Variants in ACOT7 observed in about 807,000 individuals in gnomAD.
ACOT7 encodes the protein cytosolic acyl coenzyme A thioester hydrolase.
Under a neutral mutation model 40.2 loss-of-function variants are expected in ACOT7, and 12 were observed. The observed-to-expected ratio is 0.30, with a 90% CI of 0.19 to 0.48. ACOT7 has a LOEUF of 0.48. ACOT7 is among the 20% of genes least tolerant of loss of function. The pLI is 0.99. For synonymous variants in ACOT7, 228 were observed against 219.5 expected, an observed-to-expected ratio of 1.04 and a Z score of -0.34; for missense variants, 395 against 530.8, an observed-to-expected ratio of 0.74 and a Z score of 2.51.
intron 7 of ACOT7, among the ~76,000 whole-genome samples, chr1:6,287,984 T>C (rs1298180745): frequency 6.6e-6 from 1 of 152,152 alleles, no homozygotes; most frequent in Non-Finnish European, 1.5e-5. Context: ...TTAGGTTTTC[T>C]CACCAAGTGC....
chr1:6,369,609 C>T (rs529427749), intron 1 of ACOT7, among the ~76,000 whole-genome samples: 4 of 151,246 alleles, frequency 2.6e-5, no homozygotes, highest in South Asian at 2.1e-4. Context: ...GATGGAGTCT[C>T]GCTGTATCGC....
chr1:6,323,213 T>A (rs888796551), intron 5 of ACOT7, among the ~76,000 whole-genome samples: 1 of 152,076 alleles, frequency 6.6e-6, no homozygotes, highest in African/African-American at 2.4e-5. Flanking sequence ...CCACCCTTCA[T>A]CCCACCAGCT....
intron 6 of ACOT7, among the ~76,000 whole-genome samples, chr1:6,313,462 A>C (rs1275375167): frequency 6.6e-6 from 1 of 152,170 alleles, no homozygotes; most frequent in African/African-American, 2.4e-5. Context: ...CTCAGCCACA[A>C]GTCTTTTCAG....
At chr1:6,390,358 G>A (rs894468664) in intron 1 of ACOT7, among the ~76,000 whole-genome samples, 1 of 151,988 alleles carries the variant, frequency 6.6e-6, no homozygotes, top group Non-Finnish European at 1.5e-5. Flanking sequence ...GATCATCTAA[G>A]GTCAGGAGTT....
chr1:6,368,601 C>G (rs1428849886), intron 1 of ACOT7, among the ~76,000 whole-genome samples: 1 of 152,194 alleles, frequency 6.6e-6, no homozygotes, highest in African/African-American at 2.4e-5. Context: ...GCAGTGGGCT[C>G]TGGGAGACTC....
rs189288789 is a variant in ACOT7, at chr1:6,338,719, C to T, written c.418+714G>A. Among the ~76,000 whole-genome samples the T allele has an allele frequency of 4.8e-4, 73 of 152,256 alleles. No individual in the cohort carries two copies. The highest frequency in any genetic ancestry group is 1.7e-3 in the African/African-American group (69 of 41,550). On this transcript the variant is annotated intron_variant, in intron 3 of 8. Coordinates refer to ENST00000361521, the MANE Select transcript of ACOT7 (RefSeq NM_007274.4). This position sits in a 1 kb window ranked among gnomAD's most constrained non-coding sequence, Gnocchi z 4.4. ...ACAGGCATGGGGAAGAGGAGGAAAC[C>T]GGCCCAGCCTCTCTGCATGGGAGGA...
intron 1 of ACOT7, among the ~76,000 whole-genome samples, chr1:6,361,233 G>T (rs761324281): frequency 3.9e-5 from 6 of 152,140 alleles, no homozygotes; most frequent in Admixed American, 3.3e-4. Flanking sequence ...AATCACAAAA[G>T]GTCACACGCC....
intron 1 of ACOT7, among the ~76,000 whole-genome samples, chr1:6,366,653 AACTT>A (rs1428877651): frequency 1.3e-5 from 2 of 151,542 alleles, no homozygotes; most frequent in Non-Finnish European, 2.9e-5. Context: ...CCCACAGTAG[AACTT>A]ACTTTTTTTT....
intron 6 of ACOT7, among the ~76,000 whole-genome samples, chr1:6,310,756 CAG>C (rs551861151): frequency 2.2e-4 from 33 of 152,242 alleles, no homozygotes; most frequent in Admixed American, 2.0e-3. Flanking sequence ...CTTTTTGAGA[CAG>C]AGTCTTGTTC....
intron 5 of ACOT7, among the ~76,000 whole-genome samples, chr1:6,323,063 A>T (rs1182127249): frequency 6.6e-6 from 1 of 151,992 alleles, no homozygotes; most frequent in African/African-American, 2.4e-5. Context: ...CAGGGAGGCG[A>T]AGTTTGCAGT....
At chr1:6,325,346 T>G (rs919944224) in intron 5 of ACOT7, among the ~76,000 whole-genome samples, 1 of 150,576 alleles carries the variant, frequency 6.6e-6, no homozygotes, top group African/African-American at 2.5e-5. Context: ...TGCAGTGAGC[T>G]GAGATCGCGC....
chr1:6,305,626 T>G (rs1380130285), intron 6 of ACOT7, among the ~76,000 whole-genome samples: 1 of 134,640 alleles, frequency 7.4e-6, no homozygotes, highest in African/African-American at 2.8e-5. Context: ...ACATCTCAGA[T>G]GATGGGCGGC....
At chr1:6,287,421 AAAAC>A (rs762566933) in intron 7 of ACOT7, among the ~76,000 whole-genome samples, 1 of 152,250 alleles carries the variant, frequency 6.6e-6, no homozygotes, top group Non-Finnish European at 1.5e-5. Context: ...CCAAATGGGA[AAAAC>A]AAACAGAGAT....
Position 6,288,915 on chromosome 1 carries a change from C to A in ACOT7, c.829+5949G>T, listed in dbSNP as rs528575378. Among the ~76,000 whole-genome samples the A allele has an allele frequency of 5.9e-5, 9 of 152,266 alleles. No homozygotes were observed. Among genetic ancestry groups the A allele is most frequent in the South Asian group, 4.1e-4 (2 of 4,820 alleles). On this transcript the variant is annotated intron_variant, in intron 7 of 8. Coordinates refer to ENST00000361521, the MANE Select transcript of ACOT7 (RefSeq NM_007274.4). This position sits in a 1 kb window ranked among gnomAD's most constrained non-coding sequence, Gnocchi z 4.3. ...CTTCCTGACAGACACCCCACCCAAG[C>A]GAGGGCAAGCCACAGCCACAGGGCC...
chr1:6,385,861 C>G (rs1484349469), intron 1 of ACOT7: 1 of 1,398,820 alleles, frequency 7.1e-7, no homozygotes, highest in Non-Finnish European at 9.3e-7. Flanking sequence ...GCTTCCGGAA[C>G]TGGATCACAG....
At chr1:6,388,386 G>C (rs1004162449) in intron 1 of ACOT7, among the ~76,000 whole-genome samples, 2 of 151,768 alleles carry the variant, frequency 1.3e-5, no homozygotes, top group African/African-American at 4.8e-5. Flanking sequence ...TGGGATTACA[G>C]GCGTGAGCCA....
In ACOT7 at chr1:6,282,215, T is replaced by A. The variant is rs1639377638; in HGVS notation, c.830-929A>T. Among the ~76,000 whole-genome samples, 1 of 151,852 alleles carries A rather than the reference T, an allele frequency of 6.6e-6. No individual in the cohort carries two copies. The highest frequency in any genetic ancestry group is 1.5e-5 in the Non-Finnish European group (1 of 67,954). ...ATCCTCCTACCTGGCCTCAACATAA[T>A]CCCTTAATCTCAGGGAGCTCAGCTC... On this transcript the variant is annotated intron_variant, in intron 7 of 8. Transcript: ENST00000361521. This position sits in a 1 kb window ranked among gnomAD's most constrained non-coding sequence, Gnocchi z 4.5.
chr1:6,340,027 G>A (rs1205525230), intron 2 of ACOT7, among the ~76,000 whole-genome samples: 1 of 146,718 alleles, frequency 6.8e-6, no homozygotes, highest in Admixed American at 6.7e-5. Context: ...GTGCAGTGGT[G>A]CGATCTCCCC....
At chr1:6,360,254 C>T (rs572441091) in intron 1 of ACOT7, among the ~76,000 whole-genome samples, 18 of 152,258 alleles carry the variant, frequency 1.2e-4, no homozygotes, top group Non-Finnish European at 2.4e-4. Flanking sequence ...TAAAGGGATC[C>T]CACCGACCCA....
Sources: allele counts gnomAD v4.1 joint callset (sites outside exome capture counted in the v4.1 genomes callset), GRCh38; gene constraint gnomAD v4.1.1; non-coding constraint Gnocchi (gnomAD v3.1); transcripts MANE v1.5; gene names NCBI Gene and HGNC (gene_info 2026-07-23, HGNC 2026-07-21).